JUP: variants seen among roughly 807,000 people sequenced by gnomAD.
JUP encodes the protein junction plakoglobin.
Under a neutral mutation model 71.1 loss-of-function variants are expected in JUP, and 28 were observed. The ratio of observed to expected loss-of-function variants is 0.39; its 90% CI spans 0.29 to 0.54. JUP has a LOEUF of 0.54. Ranked by LOEUF, JUP falls within the 20% of genes least tolerant of loss-of-function variation. The pLI is 0.62. For synonymous variants in JUP, 401 were observed against 438.9 expected (o/e 0.91, Z 1.08); for missense variants, 869 against 1,030.1 (o/e 0.84, Z 2.14).
chr17:41,783,757 A>G (rs2047298866), intron 1 of JUP, among the ~76,000 whole-genome samples: 1 of 151,950 alleles, frequency 6.6e-6, no homozygotes, highest in Admixed American at 6.6e-5. Context: ...TGTCTCTACT[A>G]AAAATACAAA....
chr17:41,779,939 C>A (rs377722642), intron 1 of JUP, among the ~76,000 whole-genome samples: 1 of 151,738 alleles, frequency 6.6e-6, no homozygotes, highest in East Asian at 1.9e-4. Context: ...ACCTTCAGAG[C>A]GGTTGGGATT....
Position 41,763,134 on chromosome 17 carries a change from T to C in JUP, c.1346A>G (p.Asp449Gly), listed in dbSNP as rs1174382765. ...IHAILRAGDK[D>G]DITEPAVCAL... Reference sequence around the variant, plus strand: ...GCAGACGGCAGGCTCCGTGATGTCGTCCTTGTCACCAGCACGCAGGATGGC... The same window carrying C: ...GCAGACGGCAGGCTCCGTGATGTCGCCCTTGTCACCAGCACGCAGGATGGC... The change falls in exon 8 of 14, where the codon GAC (aspartate) becomes GGC (glycine). Residue 449 changes from aspartate to glycine, a missense_variant. Transcript: ENST00000393931. 1.2e-6 allele frequency: 2 copies of C among 1,614,096 alleles called. No individual in the cohort carries two copies. Among genetic ancestry groups the C allele is most frequent in the Admixed American group, 3.3e-5 (2 of 60,010 alleles).
chr17:41,771,844 A>C lies in JUP; in HGVS notation c.11T>G (p.Met4Arg). The C allele has an allele frequency of 6.2e-7, 1 of 1,612,016 alleles. No individual in the cohort carries two copies. The highest frequency in any genetic ancestry group is 8.5e-7 in the Non-Finnish European group (1 of 1,179,086). MEV[M>R]NLMEQPIKVT... ...CTTGATAGGCTGCTCCATCAGGTTC[A>C]TCACCTCCATCGTGGCTACTGGGGG... Residue 4 changes from methionine (M) to arginine (R), a missense_variant, in exon 2 of 14, where the codon ATG becomes AGG. Transcript: ENST00000393931.
intron 1 of JUP, among the ~76,000 whole-genome samples, chr17:41,775,700 GGGA>G (rs528687555): frequency 8.5e-4 from 130 of 152,324 alleles, no homozygotes; most frequent in African/African-American, 3.0e-3. Context: ...TTAGCAGCAC[GGGA>G]GGAAGAAGCC....
chr17:41,778,104 G>A (rs1567829523), intron 1 of JUP, among the ~76,000 whole-genome samples: 1 of 152,156 alleles, frequency 6.6e-6, no homozygotes, highest in African/African-American at 2.4e-5. Flanking sequence ...GTCCAGGGGC[G>A]GCCCACTTCT....
intron 1 of JUP, chr17:41,776,081 G>C: frequency 1.5e-6 from 1 of 667,204 alleles, no homozygotes; most frequent in Non-Finnish European, 1.9e-6. Context: ...CTGGAAATAA[G>C]GACAGGAGTG....
chr17:41,771,959 T>C, intron 1 of JUP, 97 bp from the exon 2 acceptor site: 1 of 1,008,356 alleles, frequency 9.9e-7, no homozygotes, highest in East Asian at 2.6e-5. Flanking sequence ...TCCCACATCA[T>C]CACCATGGCC....
chr17:41,780,486 G>A (rs1417425778), intron 1 of JUP, among the ~76,000 whole-genome samples: 3 of 151,348 alleles, frequency 2.0e-5, no homozygotes, highest in African/African-American at 7.3e-5. Flanking sequence ...TTGAGGTCAG[G>A]AATTCAAGAC....
chr17:41,756,449 A>T (rs1913761603), intron 12 of JUP, among the ~76,000 whole-genome samples: 1 of 151,988 alleles, frequency 6.6e-6, no homozygotes, highest in Admixed American at 6.6e-5. Context: ...ATACAAAAAA[A>T]ATTAGCTGGG....
rs1914612996 is a variant in JUP, at chr17:41,760,358, C to T, written c.1498-1488G>A. Among the ~76,000 whole-genome samples the T allele has an allele frequency of 2.7e-5, 4 of 147,994 alleles. No individual in the cohort carries two copies. The South Asian group carries it at 8.8e-4, about 33-fold the overall frequency. On this transcript the variant is annotated intron_variant, in intron 8 of 13. Transcript: ENST00000393931. ...GCAAGCTCCGCCTCCCGGGTTCACACCATTCTCCTGCCTCAGCCTCCTGAG... is the reference window on the plus strand; with the variant it reads ...GCAAGCTCCGCCTCCCGGGTTCACATCATTCTCCTGCCTCAGCCTCCTGAG...
At chr17:41,779,005 G>C (rs1313407414) in intron 1 of JUP, among the ~76,000 whole-genome samples, 7 of 152,150 alleles carry the variant, frequency 4.6e-5, no homozygotes, top group African/African-American at 1.7e-4. Context: ...GGGAGGCCAA[G>C]GCGGGTGGAT....
intron 1 of JUP, among the ~76,000 whole-genome samples, chr17:41,782,862 G>T (rs542341514): frequency 1.3e-5 from 2 of 152,218 alleles, no homozygotes; most frequent in Non-Finnish European, 2.9e-5. Flanking sequence ...TTGGGAGGCT[G>T]AGGCGGGCGG....
chr17:41,769,311 G>A (rs972208792), intron 3 of JUP, 104 bp from the exon 4 acceptor site: 3 of 1,559,624 alleles, frequency 1.9e-6, no homozygotes, highest in Non-Finnish European at 2.6e-6. Context: ...ACACACGGGA[G>A]AGTCTGGGTC....
chr17:41,769,260 A>G lies in JUP; in HGVS notation c.469-53T>C, dbSNP rs1396399049. 5 of 1,575,870 alleles carry G rather than the reference A, an allele frequency of 3.2e-6. No homozygotes were observed. The East Asian group carries it at 8.9e-5, about 28-fold the overall frequency. On this transcript the variant is annotated intron_variant, in intron 3 of 13. Coordinates refer to ENST00000393931, the MANE Select transcript of JUP (RefSeq NM_002230.4). ...GTGAGCACTAAGGAGAGGCCGGGAT[A>G]CCCTTCCACAGAGCTGAGGAGGGCC...
In JUP at chr17:41,758,384, C is replaced by T; in HGVS notation, c.1773+15G>A. The stretch of plus-strand genomic sequence containing the variant: ...TGGTGGGGGGACCTCTCCTGCCCAC[C>T]TGCCCCAGACTCACCTGCACAAACA... On this transcript the variant is annotated intron_variant, in intron 10 of 13. Coordinates refer to ENST00000393931, the MANE Select transcript of JUP (RefSeq NM_002230.4). 6.2e-7 allele frequency: 1 copy of T among 1,612,516 alleles called. No individual in the cohort carries two copies. The highest frequency in any genetic ancestry group is 2.2e-5 in the East Asian group (1 of 44,876).
intron 1 of JUP, among the ~76,000 whole-genome samples, chr17:41,782,171 C>A (rs1185730208): frequency 6.6e-6 from 1 of 152,184 alleles, no homozygotes; most frequent in Admixed American, 6.5e-5. Flanking sequence ...TTGGCAGAGA[C>A]ACCAGAACCA....
chr17:41,780,508 AC>A (rs1188742011), intron 1 of JUP, among the ~76,000 whole-genome samples: 1 of 151,516 alleles, frequency 6.6e-6, no homozygotes, highest in Non-Finnish European at 1.5e-5. Context: ...AGCCTGGCCA[AC>A]ATAGTGACAC....
Position 41,763,191 on chromosome 17 carries a change from G to T in JUP, c.1289C>A (p.Thr430Lys), listed in dbSNP as rs781936337. 1.2e-6 allele frequency: 2 copies of T among 1,614,232 alleles called. No homozygotes were observed. The highest frequency in any genetic ancestry group is 2.2e-5 in the East Asian group (1 of 44,888). Residue 430 changes from threonine to lysine, a missense_variant, in exon 8 of 14, where the codon ACA (threonine) becomes AAA (lysine). By Grantham distance (78) the Thr-to-Lys change is moderately conservative (BLOSUM62 -1). Transcript: ENST00000393931. ...GAGAGCCTCCACACCGCTGTTCTGT[G>T]TCACCAGCGTCTTGTTCTTGCTGTT... ...CNNSKNKTLV[T>K]QNSGVEALIH...
At chr17:41,784,525 A>C (rs1293607702) in intron 1 of JUP, among the ~76,000 whole-genome samples, 1 of 152,128 alleles carries the variant, frequency 6.6e-6, no homozygotes, top group Non-Finnish European at 1.5e-5. Context: ...TGTAGCCAAC[A>C]TAATTACAAT....
Sources: allele counts gnomAD v4.1 joint callset (sites outside exome capture counted in the v4.1 genomes callset), GRCh38; gene constraint gnomAD v4.1.1; transcripts MANE v1.5; gene names NCBI Gene and HGNC (gene_info 2026-07-23, HGNC 2026-07-21).